Variants in NAV2 observed in about 807,000 individuals in gnomAD.
The protein encoded by NAV2 is neuron navigator 2.
In NAV2, 54 loss-of-function variants were observed where a neutral mutation model predicts 223.2. That is an observed-to-expected ratio of 0.24 (90% CI 0.19 to 0.30). The LOEUF is 0.30. Ranked by LOEUF, NAV2 falls within the 10% of genes least tolerant of loss-of-function variation. The probability of loss-of-function intolerance (pLI) is 1.00; values close to 1 mark genes in which losing one functional copy is unlikely to be tolerated. For missense variants in NAV2, 2,806 were observed against 3,147.5 expected (o/e 0.89, Z 2.60); for synonymous variants, 1,279 against 1,239.3 (o/e 1.03, Z -0.67).
chr11:19,745,386 G>T (rs1035711467), intron 1 of NAV2, among the ~76,000 whole-genome samples: 1 of 152,234 alleles, frequency 6.6e-6, no homozygotes, highest in East Asian at 1.9e-4. Flanking sequence ...ATTTCCTTGG[G>T]CCCCTAAAAC....
chr11:20,043,036 G>T (rs1326856468), intron 12 of NAV2, among the ~76,000 whole-genome samples: 2 of 152,178 alleles, frequency 1.3e-5, no homozygotes, highest in African/African-American at 4.8e-5. Context: ...CCCACAAGGG[G>T]AGCAAAGCAG....
intron 1 of NAV2, among the ~76,000 whole-genome samples, chr11:19,681,329 A>G (rs2048875277): frequency 6.6e-6 from 1 of 152,206 alleles, no homozygotes; most frequent in Non-Finnish European, 1.5e-5. Context: ...GCAGTTATAA[A>G]AGATAGATTT....
intron 1 of NAV2, among the ~76,000 whole-genome samples, chr11:19,491,745 C>G (rs1309069513): frequency 6.6e-6 from 1 of 152,182 alleles, no homozygotes; most frequent in African/African-American, 2.4e-5. Flanking sequence ...TCTTTGCATT[C>G]ACAATTTGGC....
intron 1 of NAV2, among the ~76,000 whole-genome samples, chr11:19,461,670 AG>A (rs1241228739): frequency 6.6e-6 from 1 of 152,250 alleles, no homozygotes; most frequent in Admixed American, 6.5e-5. Context: ...GAAATCCATT[AG>A]TGAGTCATGA....
chr11:19,379,462 C>T (rs2133916755), intron 1 of NAV2, among the ~76,000 whole-genome samples: 1 of 152,322 alleles, frequency 6.6e-6, no homozygotes. Context: ...GTACATCATA[C>T]TTGCTTCACT....
intron 2 of NAV2, among the ~76,000 whole-genome samples, chr11:19,834,771 T>G (rs148414292): frequency 1.7e-4 from 26 of 152,326 alleles, no homozygotes; most frequent in African/African-American, 5.8e-4. Flanking sequence ...GGTCTTATAT[T>G]CATTCCAGCT....
chr11:19,993,321 C>T (rs2153470199), intron 11 of NAV2, among the ~76,000 whole-genome samples: 1 of 152,330 alleles, frequency 6.6e-6, no homozygotes, highest in East Asian at 1.9e-4. Context: ...AGAGCATTGA[C>T]AGTCTTCACT....
chr11:19,897,903 T>TATATATATATACAC (rs927166131), intron 6 of NAV2, among the ~76,000 whole-genome samples: 11 of 147,600 alleles, frequency 7.5e-5, no homozygotes, highest in African/African-American at 2.6e-4. Context: ...TATATATATA[T>TATATATATATACAC]ATGTGAGCAG....
chr11:19,395,602 C>T (rs1849417181), intron 1 of NAV2, among the ~76,000 whole-genome samples: 1 of 152,200 alleles, frequency 6.6e-6, no homozygotes, highest in African/African-American at 2.4e-5. Context: ...CACTACTGTC[C>T]TCAGGACAGA....
chr11:19,994,742 A>G (rs1402139398), intron 11 of NAV2, among the ~76,000 whole-genome samples: 1 of 152,156 alleles, frequency 6.6e-6, no homozygotes, highest in Non-Finnish European at 1.5e-5. Context: ...CCAGAGTTGT[A>G]GTGAACCGAT....
At chr11:19,495,225 T>C (rs78175964) in intron 1 of NAV2, among the ~76,000 whole-genome samples, 1,623 of 152,348 alleles carry the variant, frequency 0.011, 29 homozygotes, top group African/African-American at 0.037. Flanking sequence ...TTATCTCACA[T>C]TGGTGGTTTC....
At position 19,933,137 on chromosome 11, in the gene NAV2, A is replaced by G. The variant is rs1267253789; in HGVS notation, c.932-39A>G. The G allele has an allele frequency of 6.7e-7, 1 of 1,484,396 alleles. No homozygotes were observed. Among genetic ancestry groups the G allele is most frequent in the Non-Finnish European group, 9.0e-7 (1 of 1,115,034 alleles). The allele number at this position is 1,484,396 out of a possible 1,614,324, so 92.0% of individuals were successfully genotyped here. A position where few individuals can be genotyped will look rare whatever the true frequency, so the allele number is the denominator to read the frequency against. On this transcript the variant is annotated intron_variant, in intron 6 of 37. Transcript: ENST00000349880. The surrounding 1 kb of genome is among the most constrained non-coding windows in gnomAD (Gnocchi z 4.3). ...CCTCCCTGGTCTTCAGTGCAGGTCA[A>G]CAAGTATGATTCAGGCCTCCTCTCT...
chr11:19,799,804 C>G (rs1565337843), intron 1 of NAV2, among the ~76,000 whole-genome samples: 1 of 152,158 alleles, frequency 6.6e-6, no homozygotes, highest in Non-Finnish European at 1.5e-5. Context: ...CTGCCCTGTT[C>G]TTTCCTTTCT....
chr11:19,850,354 C>T (rs1222849798), intron 3 of NAV2, among the ~76,000 whole-genome samples: 4 of 152,154 alleles, frequency 2.6e-5, no homozygotes, highest in African/African-American at 2.4e-5. Context: ...AATACCATGT[C>T]TTTCACTTGA....
chr11:19,530,612 C>T (rs1039344828), intron 1 of NAV2, among the ~76,000 whole-genome samples: 1 of 152,242 alleles, frequency 6.6e-6, no homozygotes, highest in Admixed American at 6.5e-5. Context: ...CACCGCTGTG[C>T]TTCTGTCTGA....
At chr11:19,727,497 A>G (rs1014002631) in intron 1 of NAV2, among the ~76,000 whole-genome samples, 5 of 152,058 alleles carry the variant, frequency 3.3e-5, no homozygotes, top group African/African-American at 9.7e-5. Context: ...GGAGGGGCTC[A>G]CTCCCTCTCC....
At chr11:19,421,253 A>G (rs1173075448) in intron 1 of NAV2, among the ~76,000 whole-genome samples, 3 of 152,184 alleles carry the variant, frequency 2.0e-5, no homozygotes, top group Non-Finnish European at 4.4e-5. Flanking sequence ...TCCTTTGCCC[A>G]CCTGCTGCAG....
rs545275989 is a variant in NAV2, at chr11:19,763,243, G to A, written c.267+49281G>A. Among the ~76,000 whole-genome samples, 4 of 152,330 alleles carry A rather than the reference G, an allele frequency of 2.6e-5. No individual in the cohort carries two copies. The East Asian group carries it at 5.8e-4, about 22-fold the overall frequency. ...TGCTTTTGACAAAATGAAATAACAG[G>A]AGACTGTCTGTATTTTCTGTTCCAT... is the stretch of plus-strand genomic sequence containing the variant. On this transcript the variant is annotated intron_variant, in intron 1 of 37. Coordinates refer to ENST00000349880, the MANE Select transcript of NAV2 (RefSeq NM_145117.5).
At chr11:19,900,282 AAGTTGTAT>A (rs1565522633) in intron 6 of NAV2, among the ~76,000 whole-genome samples, 6 of 151,688 alleles carry the variant, frequency 4.0e-5, no homozygotes, top group Non-Finnish European at 5.9e-5. Context: ...AATAAACAAG[AAGTTGTAT>A]CAAAGTCTCG....
Sources: allele counts gnomAD v4.1 joint callset (sites outside exome capture counted in the v4.1 genomes callset), GRCh38; gene constraint gnomAD v4.1.1; non-coding constraint Gnocchi (gnomAD v3.1); transcripts MANE v1.5; gene names NCBI Gene and HGNC (gene_info 2026-07-23, HGNC 2026-07-21).